SMAP1: variants seen among roughly 807,000 people sequenced by gnomAD.
SMAP1 encodes stromal membrane-associated protein 1.
Under a neutral mutation model 58.5 loss-of-function variants are expected in SMAP1, and 24 were observed. The ratio of observed to expected loss-of-function variants is 0.41; its 90% CI spans 0.30 to 0.58. The LOEUF (loss-of-function observed/expected upper bound fraction) is 0.58, where lower values mean the gene tolerates loss of function less well. SMAP1 is among the 20% of genes least tolerant of loss of function. The pLI, the probability that SMAP1 is intolerant of heterozygous loss-of-function variation, is 0.29. For missense variants in SMAP1, 563 were observed against 566.3 expected (o/e 0.99, Z 0.06); for synonymous variants, 216 against 196.6 (o/e 1.10, Z -0.82).
chr6:70,796,651 G>T (rs926113418), intron 5 of SMAP1, among the ~76,000 whole-genome samples: 1 of 152,156 alleles, frequency 6.6e-6, no homozygotes, highest in African/African-American at 2.4e-5. Context: ...CCAGGCACTT[G>T]AGTAGATATG....
In SMAP1 at chr6:70,804,081, A is replaced by G. The variant is rs561134271; in HGVS notation, c.576+5344A>G. Among the ~76,000 whole-genome samples, 15 of 152,288 alleles carry G rather than the reference A, an allele frequency of 9.8e-5. No individual in the cohort carries two copies. The South Asian group carries it at 3.1e-3, about 32-fold the overall frequency. On this transcript the variant is annotated intron_variant, in intron 6 of 10. Transcript: ENST00000370455. ...TCTCGTTGATCTGTCTGACATTGAC[A>G]GTGGGGTGTTAAAGTCTCCCATTAT...
chr6:70,819,733 A>G (rs1769803377), intron 6 of SMAP1, among the ~76,000 whole-genome samples: 1 of 152,244 alleles, frequency 6.6e-6, no homozygotes. Flanking sequence ...TTGAAGTCGC[A>G]TAAGAACAGT....
intron 6 of SMAP1, among the ~76,000 whole-genome samples, chr6:70,806,238 C>T (rs1388960998): frequency 1.3e-5 from 2 of 152,338 alleles, no homozygotes; most frequent in East Asian, 3.9e-4. Context: ...CCCTGCCCAG[C>T]TGCGGCTTCA....
chr6:70,824,309 A>G (rs917223857), intron 6 of SMAP1, among the ~76,000 whole-genome samples: 6 of 152,124 alleles, frequency 3.9e-5, no homozygotes, highest in Admixed American at 3.3e-4. Context: ...GGTCAGTATG[A>G]TAGCTATTAT....
At chr6:70,807,584 A>G (rs1162560360) in intron 6 of SMAP1, among the ~76,000 whole-genome samples, 1 of 152,234 alleles carries the variant, frequency 6.6e-6, no homozygotes, top group East Asian at 1.9e-4. Context: ...GGAATGTTAT[A>G]TGAGTTATCT....
chr6:70,747,367 G>A (rs949238690), intron 2 of SMAP1, among the ~76,000 whole-genome samples: 16 of 152,292 alleles, frequency 1.1e-4, no homozygotes, highest in Non-Finnish European at 2.4e-4. Flanking sequence ...GTTTGAGAAA[G>A]TAGTGTTCTG....
intron 2 of SMAP1, among the ~76,000 whole-genome samples, chr6:70,736,586 A>G (rs1765626973): frequency 6.6e-6 from 1 of 152,244 alleles, no homozygotes; most frequent in Admixed American, 6.5e-5. Flanking sequence ...ATTTGTAAAT[A>G]TTAAGATTAG....
At chr6:70,754,316 A>C (rs1766398377) in intron 2 of SMAP1, among the ~76,000 whole-genome samples, 1 of 152,110 alleles carries the variant, frequency 6.6e-6, no homozygotes, top group African/African-American at 2.4e-5. Context: ...ATGATTATCA[A>C]ATTGTTTTAT....
In SMAP1 at chr6:70,668,152, C is replaced by T. The variant is rs370470499; in HGVS notation, c.118+11C>T. 14 of 1,591,564 alleles carry T rather than the reference C, an allele frequency of 8.8e-6. No homozygotes were observed. The highest frequency in any genetic ancestry group is 8.3e-5 in the African/African-American group (6 of 71,938). ...ACTGCGAGGCCAAAGGTAGCTTGGA[C>T]GTCGTCGCTGCCCACGGTCGGGGCC... is the stretch of plus-strand genomic sequence containing the variant. On this transcript the variant is annotated intron_variant, in intron 1 of 10. Transcript: ENST00000370455.
intron 6 of SMAP1, among the ~76,000 whole-genome samples, chr6:70,802,624 A>G (rs1046521216): frequency 6.6e-6 from 1 of 152,176 alleles, no homozygotes; most frequent in African/African-American, 2.4e-5. Context: ...CCCATTCAGT[A>G]TGATATTGGC....
At chr6:70,675,190 T>C (rs1766427228) in intron 1 of SMAP1, among the ~76,000 whole-genome samples, 1 of 131,940 alleles carries the variant, frequency 7.6e-6, no homozygotes, top group African/African-American at 2.9e-5. Context: ...ACTCACAAAT[T>C]ATATAGTGTT....
At chr6:70,819,551 G>A (rs779521414) in intron 6 of SMAP1, among the ~76,000 whole-genome samples, 19 of 152,162 alleles carry the variant, frequency 1.2e-4, no homozygotes, top group Non-Finnish European at 2.2e-4. Context: ...TTAATGGAGC[G>A]TTTCAGTCTC....
chr6:70,716,205 CTATTAT>C (rs1768262755), intron 1 of SMAP1, among the ~76,000 whole-genome samples: 1 of 152,148 alleles, frequency 6.6e-6, no homozygotes, highest in Admixed American at 6.5e-5. Flanking sequence ...CACTTTATTT[CTATTAT>C]TATTATATAC....
At chr6:70,689,217 A>G (rs1562094261) in intron 1 of SMAP1, among the ~76,000 whole-genome samples, 1 of 152,010 alleles carries the variant, frequency 6.6e-6, no homozygotes, top group East Asian at 1.9e-4. Flanking sequence ...CTATGTTGGC[A>G]GGGCTGGTCT....
At chr6:70,820,995 G>A (rs566189434) in intron 6 of SMAP1, among the ~76,000 whole-genome samples, 56 of 152,278 alleles carry the variant, frequency 3.7e-4, no homozygotes, top group African/African-American at 1.3e-3. Flanking sequence ...AAAGTCTAAA[G>A]TTTGATTTCT....
intron 6 of SMAP1, among the ~76,000 whole-genome samples, chr6:70,826,972 GA>G (rs1215193233): frequency 1.1e-3 from 121 of 113,046 alleles, no homozygotes; most frequent in African/African-American, 3.7e-3. Context: ...AAAAAGAAAA[GA>G]AAAAAAAAAC....
intron 3 of SMAP1, among the ~76,000 whole-genome samples, chr6:70,770,148 G>A (rs1484246622): frequency 6.6e-6 from 1 of 151,818 alleles, no homozygotes; most frequent in Non-Finnish European, 1.5e-5. Context: ...CCCTTTGTGG[G>A]TAACCCGACC....
intron 8 of SMAP1, among the ~76,000 whole-genome samples, chr6:70,856,520 T>C (rs900452273): frequency 6.6e-6 from 1 of 152,244 alleles, no homozygotes; most frequent in African/African-American, 2.4e-5. Flanking sequence ...CTTGAAGCAG[T>C]AGTTGCTATG....
intron 6 of SMAP1, among the ~76,000 whole-genome samples, chr6:70,815,653 G>A (rs1288345679): frequency 6.6e-6 from 1 of 152,110 alleles, no homozygotes; most frequent in Non-Finnish European, 1.5e-5. Context: ...ATAGTGGAAT[G>A]TAGGGATTTT....
Sources: allele counts gnomAD v4.1 joint callset (sites outside exome capture counted in the v4.1 genomes callset), GRCh38; gene constraint gnomAD v4.1.1; transcripts MANE v1.5; gene names NCBI Gene and HGNC (gene_info 2026-07-23, HGNC 2026-07-21).